Variants in CA5B observed in about 807,000 individuals in gnomAD.
The protein encoded by CA5B is carbonic anhydrase 5B, mitochondrial.
CA5B carries 15 observed loss-of-function variants against 23.1 expected under a neutral mutation model. The observed-to-expected ratio is 0.65, with a 90% CI of 0.43 to 1.00. CA5B has a LOEUF of 1.00. CA5B is among the 50% of genes least tolerant of loss of function. The probability of loss-of-function intolerance (pLI) is 0.00; values close to 1 mark genes in which losing one functional copy is unlikely to be tolerated. For missense variants in CA5B, 236 were observed against 252.2 expected (o/e 0.94, Z 0.43); for synonymous variants, 84 against 98.5 (o/e 0.85, Z 0.87).
intron 1 of CA5B, among the ~76,000 whole-genome samples, chrX:15,741,778 A>G (rs1352363611): frequency 1.8e-5 from 2 of 111,520 alleles, no homozygotes; most frequent in Non-Finnish European, 3.8e-5. Context: ...GCCCGGCCTA[A>G]CAAATTCTAT....
intron 2 of CA5B, among the ~76,000 whole-genome samples, chrX:15,761,410 A>G (rs1390060593): frequency 8.9e-6 from 1 of 112,103 alleles, no homozygotes; most frequent in Non-Finnish European, 1.9e-5. Flanking sequence ...TTGCATTCTA[A>G]TTAGATTATG....
chrX:15,749,874 G>A, intron 1 of CA5B, 97 bp from the exon 2 acceptor site: 3 of 615,778 alleles, frequency 4.9e-6, no homozygotes, highest in Admixed American at 3.2e-5. Context: ...CTCAGGGTGT[G>A]TACTGCTAGT....
intron 4 of CA5B, among the ~76,000 whole-genome samples, chrX:15,772,881 C>A (rs1361345015): frequency 1.8e-5 from 2 of 111,645 alleles, no homozygotes; most frequent in African/African-American, 3.3e-5. Flanking sequence ...AAGTAATAAC[C>A]CAGGGAACAT....
chrX:15,787,298 A>G lies in CA5B; in HGVS notation c.*4634A>G, dbSNP rs1932134685. 8.9e-6 allele frequency: 1 copy of G among 112,256 alleles called. No individual in the cohort carries two copies. The highest frequency in any genetic ancestry group is 9.5e-5 in the Admixed American group (1 of 10,558). 9.3% of individuals were successfully genotyped at this position (112,256 alleles called of 1,213,427 possible). On this transcript the variant is annotated 3_prime_UTR_variant, in exon 8 of 8. Transcript: ENST00000318636. ...AACCTGTTTCAGGCAGTTCCTCCAT[A>G]TCAGGATATTGCATTCCCAGTGCAT... is the stretch of plus-strand genomic sequence containing the variant.
At chrX:15,740,797 T>C (rs190749214) in intron 1 of CA5B, among the ~76,000 whole-genome samples, 1,140 of 112,737 alleles carry the variant, frequency 0.01, 14 homozygotes, top group African/African-American at 0.035. Context: ...GGCTCACGCC[T>C]GTACGCCTGT....
At position 15,775,883 on chromosome X, in the gene CA5B, TC is replaced by T. The variant is rs1407642656; in HGVS notation, c.618+581del. The T allele has an allele frequency of 6.7e-6, 5 of 746,351 alleles. No homozygotes were observed. In the African/African-American group the frequency reaches 7.2e-5, roughly 11 times the overall value. 61.5% of individuals were successfully genotyped at this position (746,351 alleles called of 1,213,427 possible). A position where few individuals can be genotyped will look rare whatever the true frequency, so the allele number is the denominator to read the frequency against. ...CCTCTCTGGAAGCCCGTATATTATC[TC>T]CCCCCATCCCCCACTCTGACCTTCT... On this transcript the variant is annotated intron_variant, in intron 6 of 7. Coordinates refer to ENST00000318636, the MANE Select transcript of CA5B (RefSeq NM_007220.4).
chrX:15,763,282 G>A lies in CA5B; in HGVS notation c.143-1296G>A, dbSNP rs192160243. ...CTGATTCAATGTTTCCTTTCCCAAAGTTCTCCCATTTCCTTTTTTGAAAAT... is the reference window on the plus strand; with the variant it reads ...CTGATTCAATGTTTCCTTTCCCAAAATTCTCCCATTTCCTTTTTTGAAAAT... On this transcript the variant is annotated intron_variant, in intron 2 of 7. Transcript: ENST00000318636. Among the ~76,000 whole-genome samples the A allele has an allele frequency of 1.3e-3, 143 of 112,427 alleles. 1 individual carries two copies. Among genetic ancestry groups the A allele is most frequent in the African/African-American group, 3.8e-3 (117 of 30,983 alleles).
intron 3 of CA5B, chrX:15,768,659 C>T (rs1405137999): frequency 1.8e-5 from 2 of 110,586 alleles, no homozygotes; most frequent in Non-Finnish European, 3.8e-5. Flanking sequence ...CCTCTTATTT[C>T]CTGTTTATTC....
chrX:15,782,668 A>C lies in CA5B; in HGVS notation c.*4A>C, dbSNP rs1932047275. The C allele has an allele frequency of 8.5e-7, 1 of 1,173,074 alleles. No individual in the cohort carries two copies. The highest frequency in any genetic ancestry group is 2.0e-5 in the South Asian group (1 of 51,152). ...CACCAGCCAAGCAACCCCCTAAAAC[A>C]TTCATATCTAGGCAGTATTTTGCTT... On this transcript the variant is annotated 3_prime_UTR_variant, in exon 8 of 8. Transcript: ENST00000318636.
intron 1 of CA5B, among the ~76,000 whole-genome samples, chrX:15,748,437 T>C (rs1213829676): frequency 2.7e-5 from 3 of 111,830 alleles, no homozygotes; most frequent in Non-Finnish European, 3.8e-5. Flanking sequence ...ATCACTATTA[T>C]TTAGCTCAAG....
chrX:15,784,401 A>G lies in CA5B; in HGVS notation c.*1737A>G, dbSNP rs997750333. 1.8e-5 allele frequency: 2 copies of G among 112,294 alleles called. No homozygotes were observed. The highest frequency in any genetic ancestry group is 5.5e-4 in the East Asian group (2 of 3,618). 9.3% of individuals were successfully genotyped at this position (112,294 alleles called of 1,213,427 possible). The stretch of plus-strand genomic sequence containing the variant: ...GTGATTAACTTAAATATCTCAGTTT[A>G]TACAGTGGTTTAAAAGACTTTTGTT... On this transcript the variant is annotated 3_prime_UTR_variant, in exon 8 of 8. Coordinates refer to ENST00000318636, the MANE Select transcript of CA5B (RefSeq NM_007220.4).
rs766670188 is a variant in CA5B at position 15,783,844 on chromosome X, T to C, written c.*1180T>C. 1 of 108,116 alleles carries C rather than the reference T, an allele frequency of 9.2e-6. No individual in the cohort carries two copies. The highest frequency in any genetic ancestry group is 3.3e-5 in the African/African-American group (1 of 30,089). The allele number at this position is 108,116 out of a possible 1,213,427, so 8.9% of individuals were successfully genotyped here. On this transcript the variant is annotated 3_prime_UTR_variant, in exon 8 of 8. Coordinates refer to ENST00000318636, the MANE Select transcript of CA5B (RefSeq NM_007220.4). ...AAAAAATGCTTAAAGTGCCTAGAACTTAGAATTCTTTCATTGCACATTTCC... is the reference window on the plus strand; with the variant it reads ...AAAAAATGCTTAAAGTGCCTAGAACCTAGAATTCTTTCATTGCACATTTCC...
chrX:15,762,272 A>C (rs1255746839), intron 2 of CA5B, among the ~76,000 whole-genome samples: 1 of 109,844 alleles, frequency 9.1e-6, no homozygotes, highest in African/African-American at 3.3e-5. Flanking sequence ...TCCATCTAAA[A>C]AAAAAAAAAG....
chrX:15,761,324 C>T (rs964547806), intron 2 of CA5B, among the ~76,000 whole-genome samples: 1 of 111,489 alleles, frequency 9.0e-6, no homozygotes, highest in Non-Finnish European at 1.9e-5. Context: ...GGATGTTTTC[C>T]AGAAGGGCAT....
intron 2 of CA5B, among the ~76,000 whole-genome samples, chrX:15,754,193 G>T (rs973568641): frequency 8.9e-6 from 1 of 111,909 alleles, no homozygotes. Flanking sequence ...CAGGGTAGGG[G>T]GGATCCATTC....
chrX:15,754,286 G>C (rs1931446879), intron 2 of CA5B, among the ~76,000 whole-genome samples: 1 of 112,829 alleles, frequency 8.9e-6, no homozygotes, highest in Non-Finnish European at 1.9e-5. Context: ...TGAGGACTCA[G>C]TGTTGGCAGC....
At chrX:15,765,368 GA>G (rs770456226) in intron 3 of CA5B, 5 of 192,923 alleles carry the variant, frequency 2.6e-5, no homozygotes, top group South Asian at 2.5e-4. Flanking sequence ...TATTGATTTT[GA>G]ATCTTTTTTT....
At chrX:15,769,144 A>G (rs934363946) in intron 3 of CA5B, among the ~76,000 whole-genome samples, 3 of 112,042 alleles carry the variant, frequency 2.7e-5, no homozygotes, top group Admixed American at 1.9e-4. Flanking sequence ...AATGAAATCA[A>G]AAGTTGGTTC....
intron 3 of CA5B, among the ~76,000 whole-genome samples, chrX:15,766,648 T>C: frequency 8.9e-6 from 1 of 112,151 alleles, no homozygotes; most frequent in East Asian, 2.8e-4. Flanking sequence ...TAAAAGCTTC[T>C]TGTACCACAT....
Sources: allele counts gnomAD v4.1 joint callset (sites outside exome capture counted in the v4.1 genomes callset), GRCh38; gene constraint gnomAD v4.1.1; transcripts MANE v1.5; gene names NCBI Gene and HGNC (gene_info 2026-07-23, HGNC 2026-07-21).